NCOA3: variants seen among roughly 807,000 people sequenced by gnomAD.
The protein encoded by NCOA3 is CBP-interacting protein.
Under a neutral mutation model 158.8 loss-of-function variants are expected in NCOA3, and 51 were observed. The observed-to-expected ratio is 0.32, with a 90% CI of 0.26 to 0.41. The LOEUF is 0.41. Among genes scored for constraint, NCOA3 ranks in the 10% least tolerant of loss-of-function variants. The pLI is 1.00. For synonymous variants in NCOA3, 537 were observed against 592.4 expected, an observed-to-expected ratio of 0.91 and a Z score of 1.36; for missense variants, 1,510 against 1,746.6, an observed-to-expected ratio of 0.86 and a Z score of 2.41.
intron 1 of NCOA3, among the ~76,000 whole-genome samples, chr20:47,542,337 G>C (rs768161302): frequency 1.3e-4 from 19 of 151,900 alleles, no homozygotes; most frequent in Non-Finnish European, 2.5e-4. Context: ...ACCGTGCCCG[G>C]CTTCCTGTAG....
chr20:47,608,588 G>A (rs1419605220), intron 2 of NCOA3, among the ~76,000 whole-genome samples: 1 of 145,678 alleles, frequency 6.9e-6, no homozygotes, highest in Admixed American at 7.0e-5. Flanking sequence ...ACAGTGAGCC[G>A]TGATCACACC....
intron 1 of NCOA3, among the ~76,000 whole-genome samples, chr20:47,556,716 G>A (rs1249282537): frequency 6.6e-6 from 1 of 152,108 alleles, no homozygotes; most frequent in East Asian, 1.9e-4. Context: ...TAGAGATGGG[G>A]TTTCATCATG....
chr20:47,649,174 G>T, intron 19 of NCOA3, 65 bp downstream of exon 19: 1 of 960,148 alleles, frequency 1.0e-6, no homozygotes. Context: ...GCCTGTGGTT[G>T]GCTCTCAGTA....
chr20:47,642,467 T>C, intron 17 of NCOA3, 83 bp downstream of exon 17: 1 of 912,432 alleles, frequency 1.1e-6, no homozygotes, highest in Non-Finnish European at 1.5e-6. Context: ...CATACAAGAA[T>C]GCCTGTGTGT....
chr20:47,605,391 TTTTG>T (rs2085929221), intron 2 of NCOA3, among the ~76,000 whole-genome samples: 1 of 152,134 alleles, frequency 6.6e-6, no homozygotes, highest in Non-Finnish European at 1.5e-5. Flanking sequence ...ATTACTTAGG[TTTTG>T]TTTGTGTGTG....
rs145177745 is a variant in NCOA3 at position 47,578,848 on chromosome 20, TTGGAAAGAACAA to T, written c.-98-4331_-98-4320del. 7.8e-3 allele frequency among the ~76,000 whole-genome samples: 1,195 copies of T among 152,286 alleles called. 15 individuals carry two copies. Among genetic ancestry groups the T allele is most frequent in the African/African-American group, 0.026 (1,069 of 41,556 alleles). The stretch of plus-strand genomic sequence containing the variant: ...TCCTGGGAGCAGTGCCAGTGGGAGC[TTGGAAAGAACAA>T]TGGGTTTAATATGATTAATTGTAGA... On this transcript the variant is annotated intron_variant, in intron 1 of 22. Transcript: ENST00000371998.
intron 16 of NCOA3, 151 bp from the exon 17 acceptor site, chr20:47,642,062 G>A: frequency 1.6e-6 from 1 of 623,444 alleles, no homozygotes; most frequent in Non-Finnish European, 2.6e-6. Flanking sequence ...TTAAATTGAT[G>A]CCATTCACTC....
chr20:47,617,365 A>G (rs1474472584), intron 2 of NCOA3, among the ~76,000 whole-genome samples: 2 of 152,222 alleles, frequency 1.3e-5, no homozygotes, highest in Non-Finnish European at 1.5e-5. Flanking sequence ...ATGGGTTGTA[A>G]TTTAAGATGT....
chr20:47,541,756 AC>A (rs1406278899), intron 1 of NCOA3, among the ~76,000 whole-genome samples: 1 of 151,888 alleles, frequency 6.6e-6, no homozygotes, highest in African/African-American at 2.4e-5. Context: ...TATAAAAGAT[AC>A]AACTGTCTTT....
intron 1 of NCOA3, among the ~76,000 whole-genome samples, chr20:47,515,069 G>A (rs982298681): frequency 5.9e-5 from 9 of 151,692 alleles, no homozygotes; most frequent in Non-Finnish European, 8.8e-5. Flanking sequence ...TTGAAAAACC[G>A]GGACTATGAA....
At chr20:47,562,727 T>G (rs2085127415) in intron 1 of NCOA3, among the ~76,000 whole-genome samples, 1 of 152,146 alleles carries the variant, frequency 6.6e-6, no homozygotes, top group Non-Finnish European at 1.5e-5. Context: ...TTTGGAAAAT[T>G]TGGGATACTT....
chr20:47,521,520 T>G (rs540813422), intron 1 of NCOA3, among the ~76,000 whole-genome samples: 31 of 152,284 alleles, frequency 2.0e-4, no homozygotes, highest in African/African-American at 7.5e-4. Flanking sequence ...CTGCACAGGC[T>G]AAGCTAATTC....
chr20:47,539,945 T>G (rs564756092), intron 1 of NCOA3, among the ~76,000 whole-genome samples: 2 of 152,342 alleles, frequency 1.3e-5, no homozygotes, highest in South Asian at 4.1e-4. Flanking sequence ...CCAAAATATT[T>G]AAGGGATACT....
intron 8 of NCOA3, chr20:47,631,237 A>C (rs1267368802): frequency 6.6e-6 from 1 of 152,264 alleles, no homozygotes; most frequent in African/African-American, 2.4e-5. Context: ...CATTATGCAG[A>C]TCAGCAAGGT....
chr20:47,600,671 C>T (rs568122429), intron 2 of NCOA3, among the ~76,000 whole-genome samples: 1 of 151,804 alleles, frequency 6.6e-6, no homozygotes, highest in South Asian at 2.1e-4. Context: ...TACACTAGCA[C>T]ACCCAGCTAA....
chr20:47,590,900 A>C (rs2085623345), intron 2 of NCOA3, among the ~76,000 whole-genome samples: 1 of 152,164 alleles, frequency 6.6e-6, no homozygotes, highest in Admixed American at 6.6e-5. Flanking sequence ...ACCTGAGGTC[A>C]GGAGTTCAAG....
At chr20:47,558,650 CTT>C (rs199578981) in intron 1 of NCOA3, among the ~76,000 whole-genome samples, 2 of 151,768 alleles carry the variant, frequency 1.3e-5, no homozygotes, top group African/African-American at 2.4e-5. Flanking sequence ...ATGTCAGTCT[CTT>C]TTTTTTGGAT....
intron 8 of NCOA3, 118 bp from the exon 9 acceptor site, chr20:47,633,378 A>G: frequency 1.0e-6 from 1 of 965,478 alleles, no homozygotes; most frequent in African/African-American, 1.7e-5. Context: ...GGATCAGAGA[A>G]GGTGGAGCAA....
At chr20:47,529,485 T>C (rs1424325404) in intron 1 of NCOA3, among the ~76,000 whole-genome samples, 1 of 152,172 alleles carries the variant, frequency 6.6e-6, no homozygotes, top group Non-Finnish European at 1.5e-5. Context: ...TGATCTTGGC[T>C]CACTGCAGCC....
Sources: allele counts gnomAD v4.1 joint callset (sites outside exome capture counted in the v4.1 genomes callset), GRCh38; gene constraint gnomAD v4.1.1; transcripts MANE v1.5; gene names NCBI Gene and HGNC (gene_info 2026-07-23, HGNC 2026-07-21).